CLPTM1: variants seen among roughly 807,000 people sequenced by gnomAD.
CLPTM1 encodes CLPTM1 regulator of GABA type A receptor forward trafficking.
Under a neutral mutation model 77.3 loss-of-function variants are expected in CLPTM1, and 21 were observed. The observed-to-expected ratio is 0.27, with a 90% CI of 0.19 to 0.39. The LOEUF (loss-of-function observed/expected upper bound fraction) is 0.39, where lower values mean the gene tolerates loss of function less well. CLPTM1 is among the 10% of genes least tolerant of loss of function. The pLI, the probability that CLPTM1 is intolerant of heterozygous loss-of-function variation, is 1.00. For missense variants in CLPTM1, 642 were observed against 921.2 expected (o/e 0.70, Z 3.92); for synonymous variants, 373 against 381.0 (o/e 0.98, Z 0.24).
rs753988178 is a variant in CLPTM1, at chr19:44,992,249, G to A, written c.1572G>A (p.Thr524=). The A allele has an allele frequency of 2.5e-6, 4 of 1,613,950 alleles. No individual in the cohort carries two copies. The highest frequency in any genetic ancestry group is 1.1e-5 in the South Asian group (1 of 91,072). ...TCACTGCAGGCTTCATCACCATGAC[G>A]CCCCAGCTCTTCATCAACTACAAGC... ...FLLTFGFITM[T]PQLFINYKLK... The change falls in exon 13 of 14, where the codon ACG becomes ACA. Residue 524 remains threonine, a synonymous_variant. Coordinates refer to ENST00000337392, the MANE Select transcript of CLPTM1 (RefSeq NM_001294.4). The surrounding 1 kb of genome is among the most constrained non-coding windows in gnomAD (Gnocchi z 7.7).
At chr19:44,966,716 T>C (rs897033399) in intron 2 of CLPTM1, among the ~76,000 whole-genome samples, 2 of 151,980 alleles carry the variant, frequency 1.3e-5, no homozygotes, top group African/African-American at 2.4e-5. Flanking sequence ...TCCAAGAGAA[T>C]TCATGTCAAC....
At chr19:44,978,745 T>G (rs1970845205) in intron 5 of CLPTM1, among the ~76,000 whole-genome samples, 1 of 151,896 alleles carries the variant, frequency 6.6e-6, no homozygotes, top group African/African-American at 2.4e-5. Context: ...GAGGGGAGGG[T>G]CCTCATGACC....
At chr19:44,967,728 C>T (rs1297662768) in intron 2 of CLPTM1, among the ~76,000 whole-genome samples, 1 of 152,040 alleles carries the variant, frequency 6.6e-6, no homozygotes, top group African/African-American at 2.4e-5. Context: ...AGCAGAACTG[C>T]CTGCCTGGTG....
At chr19:44,970,488 C>T (rs1424579194) in intron 2 of CLPTM1, among the ~76,000 whole-genome samples, 1 of 142,880 alleles carries the variant, frequency 7.0e-6, no homozygotes, top group African/African-American at 2.8e-5. Flanking sequence ...CAGCCTCGAC[C>T]TCCTGGGCTC....
At chr19:44,955,592 T>G in intron 1 of CLPTM1, 125 bp downstream of exon 1, 15 of 872,570 alleles carry the variant, frequency 1.7e-5, no homozygotes, top group East Asian at 7.9e-5. Flanking sequence ...GGACCTTGAA[T>G]ACCCGGCCCA....
At chr19:44,954,898 T>G, upstream of CLPTM1, 1 of 1,347,790 alleles carries the variant, frequency 7.4e-7, no homozygotes, top group Non-Finnish European at 1.0e-6. Context: ...AAGACAAGGG[T>G]GCTGGGCAAA....
Position 44,955,415 on chromosome 19 carries a change from C to A in CLPTM1, c.20C>A (p.Ala7Glu). Reference sequence around the variant, plus strand: ...GGGAAGATGGCGGCGGCGCAGGAGGCGGACGGGGCCCGCAGCGCCGTGGTG... The same window carrying A: ...GGGAAGATGGCGGCGGCGCAGGAGGAGGACGGGGCCCGCAGCGCCGTGGTG... MAAAQE[A>E]DGARSAVVAA... The change falls in exon 1 of 14, where the codon GCG becomes GAG. Residue 7 changes from alanine (A) to glutamate (E), a missense_variant. Ala to Glu is a moderately radical substitution (Grantham distance 107). Coordinates refer to ENST00000337392, the MANE Select transcript of CLPTM1 (RefSeq NM_001294.4). 1 of 1,319,028 alleles carries A rather than the reference C, an allele frequency of 7.6e-7. No individual in the cohort carries two copies. Among genetic ancestry groups the A allele is most frequent in the South Asian group, 2.2e-5 (1 of 45,026 alleles). 81.7% of individuals were successfully genotyped at this position (1,319,028 alleles called of 1,614,324 possible).
At position 44,973,104 on chromosome 19, in the gene CLPTM1, C is replaced by T; in HGVS notation, c.203C>T (p.Ala68Val). Residue 68 changes from alanine to valine, a missense_variant, in exon 3 of 14, where the codon GCC becomes GTC. Ala to Val is a moderately conservative substitution (Grantham distance 64). This residue lies in a region of CLPTM1 where 121 missense variants were observed against 120.8 expected (regional missense o/e 1.00). Transcript: ENST00000337392. ...GVLFRIFIIWAISSWFRRGPA... is the reference protein window; with the variant it reads ...GVLFRIFIIWVISSWFRRGPA... The stretch of plus-strand genomic sequence containing the variant: ...CTCCTCAGGATCTTCATCATCTGGG[C>T]CATCAGCAGTTGGTTCCGCCGAGGG... 1.2e-6 allele frequency: 2 copies of T among 1,613,914 alleles called. No individual in the cohort carries two copies. Among genetic ancestry groups the T allele is most frequent in the South Asian group, 2.2e-5 (2 of 91,058 alleles).
upstream of CLPTM1, chr19:44,954,662 G>C: frequency 1.8e-6 from 2 of 1,118,908 alleles, no homozygotes; most frequent in Non-Finnish European, 1.1e-6. Context: ...AAAAATTGTG[G>C]AATTCTCAGA....
At chr19:44,966,410 CAAAAAT>C (rs1970629846) in intron 2 of CLPTM1, among the ~76,000 whole-genome samples, 1 of 109,328 alleles carries the variant, frequency 9.1e-6, no homozygotes, top group African/African-American at 3.9e-5. Context: ...GACACAGTCT[CAAAAAT>C]AAAAAAGTGT....
rs374332775 is a variant in CLPTM1 at position 44,977,468 on chromosome 19, G to T, written c.586+8G>T. ...CAGTCCACATGTCCCGGAGTAAGTC[G>T]CTCCCCTGCAGCCAGGACCCACTGT... On this transcript the variant is annotated splice_region_variant and intron_variant, in intron 5 of 13. Coordinates refer to ENST00000337392, the MANE Select transcript of CLPTM1 (RefSeq NM_001294.4). 239 of 1,590,910 alleles carry T rather than the reference G, an allele frequency of 1.5e-4. No individual in the cohort carries two copies. The African/African-American group carries it at 3.0e-3, about 20-fold the overall frequency.
intron 2 of CLPTM1, among the ~76,000 whole-genome samples, chr19:44,962,893 A>C (rs547888311): frequency 6.6e-6 from 1 of 152,014 alleles, no homozygotes; most frequent in African/African-American, 2.4e-5. Flanking sequence ...GTGATACCCC[A>C]TCTCTACTAA....
chr19:44,956,594 T>C (rs2239375), intron 1 of CLPTM1, among the ~76,000 whole-genome samples: 79,614 of 151,966 alleles, frequency 0.52, 21,481 homozygotes, highest in African/African-American at 0.62. Flanking sequence ...AGGGACAGCT[T>C]AGGAAATGTT....
Position 44,979,440 on chromosome 19 carries a change from C to T in CLPTM1, c.586+1980C>T, listed in dbSNP as rs530428526. On this transcript the variant is annotated intron_variant, in intron 5 of 13. Coordinates refer to ENST00000337392, the MANE Select transcript of CLPTM1 (RefSeq NM_001294.4). ...TTCTGTGTACTCCACCTAGCTTTCA[C>T]TTTATTGAGGACTATTCCAGACATT... Among the ~76,000 whole-genome samples the T allele has an allele frequency of 3.9e-4, 59 of 152,296 alleles. 1 individual carries two copies. Among genetic ancestry groups the T allele is most frequent in the African/African-American group, 1.4e-3 (57 of 41,568 alleles).
In CLPTM1 at chr19:44,991,230, C is replaced by T. The variant is rs1971069811; in HGVS notation, c.1420-8C>T. The T allele has an allele frequency of 1.9e-6, 3 of 1,613,670 alleles. No individual in the cohort carries two copies. The highest frequency in any genetic ancestry group is 1.1e-5 in the South Asian group (1 of 91,078). ...GCTGGCTGACAGCCCCACCCTGTGG[C>T]CCCACAGATGGCATTCCGGTACCTG... is the stretch of plus-strand genomic sequence containing the variant. On this transcript the variant is annotated splice_region_variant and splice_polypyrimidine_tract_variant and intron_variant, in intron 11 of 13. Coordinates refer to ENST00000337392, the MANE Select transcript of CLPTM1 (RefSeq NM_001294.4). The surrounding 1 kb of genome is among the most constrained non-coding windows in gnomAD (Gnocchi z 5.4).
Position 44,987,754 on chromosome 19 carries a change from T to A in CLPTM1, c.1039-326T>A, listed in dbSNP as rs567049779. 17 of 546,892 alleles carry A rather than the reference T, an allele frequency of 3.1e-5. No individual in the cohort carries two copies. In the South Asian group the frequency reaches 3.5e-4, roughly 11 times the overall value. The allele number at this position is 546,892 out of a possible 1,614,324, so 33.9% of individuals were successfully genotyped here. On this transcript the variant is annotated intron_variant, in intron 8 of 13. Coordinates refer to ENST00000337392, the MANE Select transcript of CLPTM1 (RefSeq NM_001294.4). ...CTCACTGGGTCCTGAAATGTCAGCC[T>A]GTGTCTGTGGCGTGAGGCTCGGCTT...
At chr19:44,988,472 G>A (rs1208370308) in intron 9 of CLPTM1, among the ~76,000 whole-genome samples, 1 of 152,258 alleles carries the variant, frequency 6.6e-6, no homozygotes, top group Non-Finnish European at 1.5e-5. Flanking sequence ...GGGAAGCCCC[G>A]GAGCTGCTCC....
chr19:44,980,168 G>A (rs559362013), intron 5 of CLPTM1, among the ~76,000 whole-genome samples: 1 of 152,238 alleles, frequency 6.6e-6, no homozygotes, highest in African/African-American at 2.4e-5. Context: ...AGGACTTGGA[G>A]TGAGCCACCC....
At chr19:44,966,645 C>T (rs117198034) in intron 2 of CLPTM1, among the ~76,000 whole-genome samples, 1,720 of 112,904 alleles carry the variant, frequency 0.015, 19 homozygotes, top group Non-Finnish European at 0.021. Context: ...CTTCTTGAGC[C>T]TCATTTTCCA....
Sources: allele counts gnomAD v4.1 joint callset (sites outside exome capture counted in the v4.1 genomes callset), GRCh38; gene constraint gnomAD v4.1.1; regional missense constraint gnomAD v4.1.1; non-coding constraint Gnocchi (gnomAD v3.1); transcripts MANE v1.5; gene names NCBI Gene and HGNC (gene_info 2026-07-23, HGNC 2026-07-21).